TMEM132D: variants seen among roughly 807,000 people sequenced by gnomAD.
TMEM132D encodes mature OL transmembrane protein.
In TMEM132D, 21 loss-of-function variants were observed where a neutral mutation model predicts 62.3. The ratio of observed to expected loss-of-function variants is 0.34; its 90% CI spans 0.24 to 0.49. The LOEUF (loss-of-function observed/expected upper bound fraction) is 0.49. TMEM132D is among the 20% of genes least tolerant of loss of function. The pLI, the probability that TMEM132D is intolerant of heterozygous loss-of-function variation, is 0.99. For missense variants in TMEM132D, 1,346 were observed against 1,402.8 expected, an observed-to-expected ratio of 0.96 and a Z score of 0.65; for synonymous variants, 621 against 575.6, an observed-to-expected ratio of 1.08 and a Z score of -1.13.
chr12:129,383,710 A>G (rs1225024811), intron 3 of TMEM132D, among the ~76,000 whole-genome samples: 2 of 152,208 alleles, frequency 1.3e-5, no homozygotes, highest in Non-Finnish European at 2.9e-5. Context: ...AAGTGCTGGG[A>G]TTATAGGTGT....
intron 1 of TMEM132D, among the ~76,000 whole-genome samples, chr12:129,748,645 G>A (rs1052999571): frequency 2.0e-5 from 3 of 152,156 alleles, no homozygotes; most frequent in East Asian, 1.9e-4. Flanking sequence ...GGTGGATCCC[G>A]ATGGAGGAAA....
chr12:129,227,542 CAAGG>C (rs898005784), intron 4 of TMEM132D, among the ~76,000 whole-genome samples: 1 of 149,070 alleles, frequency 6.7e-6, no homozygotes, highest in Non-Finnish European at 1.5e-5. Flanking sequence ...GTGGAATTTC[CAAGG>C]AAGAGGAAAC....
At chr12:129,596,627 T>C (rs1878344124) in intron 2 of TMEM132D, among the ~76,000 whole-genome samples, 1 of 152,218 alleles carries the variant, frequency 6.6e-6, no homozygotes, top group Non-Finnish European at 1.5e-5. Context: ...TAATGCTTAA[T>C]ACAATATAAA....
chr12:129,865,729 C>A (rs1482546311), intron 1 of TMEM132D, among the ~76,000 whole-genome samples: 2 of 152,210 alleles, frequency 1.3e-5, no homozygotes, highest in East Asian at 3.9e-4. Context: ...ATCCTCTATG[C>A]CCGGCACTGG....
At chr12:129,430,282 G>T (rs1365486113) in intron 3 of TMEM132D, among the ~76,000 whole-genome samples, 1 of 152,132 alleles carries the variant, frequency 6.6e-6, no homozygotes, top group African/African-American at 2.4e-5. Context: ...ATTCTAACTG[G>T]TGTGAGATGG....
chr12:129,313,394 A>G (rs1352074661), intron 4 of TMEM132D, among the ~76,000 whole-genome samples: 1 of 152,108 alleles, frequency 6.6e-6, no homozygotes, highest in African/African-American at 2.4e-5. Flanking sequence ...CTTAGCTCCC[A>G]CATATCAGTG....
At chr12:129,361,262 T>A (rs887432199) in intron 3 of TMEM132D, among the ~76,000 whole-genome samples, 1 of 152,180 alleles carries the variant, frequency 6.6e-6, no homozygotes, top group Non-Finnish European at 1.5e-5. Context: ...TTAATGCTCA[T>A]GGTGTATAGA....
At chr12:129,653,393 A>G (rs1879983485) in intron 2 of TMEM132D, among the ~76,000 whole-genome samples, 1 of 152,178 alleles carries the variant, frequency 6.6e-6, no homozygotes, top group Admixed American at 6.5e-5. Context: ...GTGAACAATG[A>G]CATATCAGGA....
chr12:129,852,858 A>G (rs1391678292), intron 1 of TMEM132D: 2 of 152,244 alleles, frequency 1.3e-5, no homozygotes, highest in African/African-American at 2.4e-5. Flanking sequence ...GTGGTAGGCT[A>G]ATCATTCCTC....
intron 1 of TMEM132D, among the ~76,000 whole-genome samples, chr12:129,849,739 T>G (rs1451266283): frequency 6.6e-6 from 1 of 152,152 alleles, no homozygotes; most frequent in Non-Finnish European, 1.5e-5. Flanking sequence ...TGCATACACA[T>G]TCTCTCCTCT....
In TMEM132D at chr12:129,691,935, C is replaced by G. The variant is rs144536412; in HGVS notation, c.968+7875G>C. 3.9e-5 allele frequency among the ~76,000 whole-genome samples: 6 copies of G among 151,952 alleles called. No individual in the cohort carries two copies. The East Asian group carries it at 1.2e-3, about 29-fold the overall frequency. The stretch of plus-strand genomic sequence containing the variant: ...GAAAGAAATACGTAGCATGAATAGC[C>G]CTATCTATTAAAGAAGAGTAAATTA... On this transcript the variant is annotated intron_variant, in intron 2 of 8. Coordinates refer to ENST00000422113, the MANE Select transcript of TMEM132D (RefSeq NM_133448.3).
chr12:129,406,180 G>A (rs1321890193), intron 3 of TMEM132D, among the ~76,000 whole-genome samples: 1 of 152,186 alleles, frequency 6.6e-6, no homozygotes, highest in Non-Finnish European at 1.5e-5. Flanking sequence ...AAAACAGCAC[G>A]TTTGTATACA....
chr12:129,337,432 T>TACACACACACAC (rs889062618), intron 4 of TMEM132D, among the ~76,000 whole-genome samples: 1 of 109,650 alleles, frequency 9.1e-6, no homozygotes, highest in African/African-American at 3.6e-5. Context: ...TAGATATAGA[T>TACACACACACAC]ACACACACGC....
intron 3 of TMEM132D, among the ~76,000 whole-genome samples, chr12:129,487,480 T>C (rs757898560): frequency 2.0e-5 from 3 of 152,184 alleles, no homozygotes; most frequent in Non-Finnish European, 4.4e-5. Flanking sequence ...ACATCAATCA[T>C]CCTGCATTCC....
intron 1 of TMEM132D, among the ~76,000 whole-genome samples, chr12:129,796,779 G>C (rs762237554): frequency 5.9e-5 from 9 of 152,130 alleles, no homozygotes; most frequent in Non-Finnish European, 1.0e-4. Context: ...ACCTGATGTA[G>C]ATGACGAGTT....
intron 4 of TMEM132D, among the ~76,000 whole-genome samples, chr12:129,236,870 T>C (rs1879800228): frequency 6.6e-6 from 1 of 152,208 alleles, no homozygotes; most frequent in Admixed American, 6.5e-5. Flanking sequence ...GTTTTTCATA[T>C]ACAGTCTGTA....
At chr12:129,346,433 G>A (rs775641985) in intron 3 of TMEM132D, among the ~76,000 whole-genome samples, 1 of 151,876 alleles carries the variant, frequency 6.6e-6, no homozygotes, top group African/African-American at 2.4e-5. Flanking sequence ...TGACTCTGTC[G>A]CCTTCAGTTC....
chr12:129,164,615 A>G (rs1003729386), intron 5 of TMEM132D, among the ~76,000 whole-genome samples: 1 of 152,208 alleles, frequency 6.6e-6, no homozygotes, highest in Non-Finnish European at 1.5e-5. Flanking sequence ...GGAAACTTAC[A>G]ATCATGGCGG....
At chr12:129,236,291 T>C (rs1593306422) in intron 4 of TMEM132D, among the ~76,000 whole-genome samples, 1 of 151,768 alleles carries the variant, frequency 6.6e-6, no homozygotes, top group Admixed American at 6.6e-5. Flanking sequence ...CTGAGGCAGG[T>C]GGATCACAAG....
Sources: gnomAD v4.1 joint callset for allele counts (sites outside exome capture counted in the v4.1 genomes callset) on GRCh38, gnomAD v4.1.1 for gene constraint, MANE v1.5 for transcripts, NCBI Gene and HGNC (gene_info 2026-07-23, HGNC 2026-07-21) for gene names.